The following ITGA2 variants were observed in gnomAD, a reference collection of about 807,000 sequenced individuals.
The protein encoded by ITGA2 is integrin alpha-2.
A neutral mutation model predicts 146.3 loss-of-function variants in ITGA2; 101 were observed. The ratio of observed to expected loss-of-function variants is 0.69; its 90% CI spans 0.59 to 0.81. ITGA2 has a LOEUF of 0.81. Among genes scored for constraint, ITGA2 ranks in the 40% least tolerant of loss-of-function variants. The pLI is 0.00. For missense variants in ITGA2, 1,281 were observed against 1,402.7 expected (o/e 0.91, Z 1.39); for synonymous variants, 477 against 487.1 (o/e 0.98, Z 0.27).
intron 27 of ITGA2, among the ~76,000 whole-genome samples, chr5:53,086,033 T>C (rs1261887481): frequency 6.6e-6 from 1 of 151,740 alleles, no homozygotes; most frequent in Non-Finnish European, 1.5e-5. Context: ...CTCAGCCGAG[T>C]CGCTGGGATT....
intron 1 of ITGA2, among the ~76,000 whole-genome samples, chr5:53,000,971 G>C (rs1228105752): frequency 7.9e-6 from 1 of 126,074 alleles, no homozygotes; most frequent in East Asian, 2.5e-4. Flanking sequence ...ATGCAATCTT[G>C]GCTCACTGCA....
chr5:53,005,607 G>A (rs1741807186), intron 1 of ITGA2, among the ~76,000 whole-genome samples: 1 of 151,168 alleles, frequency 6.6e-6, no homozygotes, highest in South Asian at 2.1e-4. Flanking sequence ...GATGAAAGTG[G>A]GATAATAAAT....
intron 1 of ITGA2, among the ~76,000 whole-genome samples, chr5:52,989,814 G>GCACACACACACACACACA (rs35389760): frequency 2.7e-5 from 4 of 145,868 alleles, no homozygotes; most frequent in Non-Finnish European, 6.1e-5. Context: ...GTACACACAC[G>GCACACACACACACACACA]CACACACACA....
At chr5:53,011,935 T>C (rs760301611) in intron 1 of ITGA2, among the ~76,000 whole-genome samples, 1 of 152,132 alleles carries the variant, frequency 6.6e-6, no homozygotes, top group Non-Finnish European at 1.5e-5. Context: ...AAGTAATGAG[T>C]GTATTTGAAA....
chr5:53,058,192 A>G, intron 10 of ITGA2, 91 bp downstream of exon 10: 1 of 920,750 alleles, frequency 1.1e-6, no homozygotes, highest in Non-Finnish European at 1.8e-6. Context: ...GAAGACAGCC[A>G]TCTAGGGATC....
chr5:53,079,680 A>G (rs1745822996), intron 24 of ITGA2, among the ~76,000 whole-genome samples: 2 of 152,242 alleles, frequency 1.3e-5, no homozygotes, highest in Middle Eastern at 3.4e-3. Flanking sequence ...TATGATCTAG[A>G]TACTACAATA....
At chr5:53,074,099 G>C (rs930062499) in intron 20 of ITGA2, among the ~76,000 whole-genome samples, 2 of 151,788 alleles carry the variant, frequency 1.3e-5, no homozygotes, top group Admixed American at 6.6e-5. Flanking sequence ...AAAGCTATTC[G>C]TGCATCTGAA....
At position 53,072,118 on chromosome 5, in the gene ITGA2, GA is replaced by G. The variant is rs1244342353; in HGVS notation, c.2346+72del. 3 of 1,100,028 alleles carry G rather than the reference GA, an allele frequency of 2.7e-6. No homozygotes were observed. In the African/African-American group the frequency reaches 4.6e-5, roughly 17 times the overall value. The allele number at this position is 1,100,028 out of a possible 1,614,324, so 68.1% of individuals were successfully genotyped here. A position where few individuals can be genotyped will look rare whatever the true frequency, so the allele number is the denominator to read the frequency against. On this transcript the variant is annotated intron_variant, in intron 18 of 29. Coordinates refer to ENST00000296585, the MANE Select transcript of ITGA2 (RefSeq NM_002203.4). ...TTCCACAGTCACTGCAATAGTGTCTGAAGGATGGTTAGGATGCAGCCTGAAA... is the reference window on the plus strand; with the variant it reads ...TTCCACAGTCACTGCAATAGTGTCTGAGGATGGTTAGGATGCAGCCTGAAA...
At chr5:53,010,379 A>C (rs1006883153) in intron 1 of ITGA2, among the ~76,000 whole-genome samples, 7 of 152,148 alleles carry the variant, frequency 4.6e-5, no homozygotes, top group African/African-American at 1.7e-4. Context: ...CTAATTGAAA[A>C]TTTCCTGCTA....
At chr5:53,048,910 CTT>C (rs761294339) in intron 6 of ITGA2, 140 bp downstream of exon 6, 2 of 928,118 alleles carry the variant, frequency 2.2e-6, no homozygotes, top group African/African-American at 1.7e-5. Flanking sequence ...TTAATTGAAA[CTT>C]TTACTACATT....
Position 53,026,306 on chromosome 5 carries a change from C to A in ITGA2, c.65-442C>A, listed in dbSNP as rs190479815. Among the ~76,000 whole-genome samples the A allele has an allele frequency of 5.4e-4, 83 of 152,304 alleles. 2 individuals are homozygous for A. In the East Asian group the frequency reaches 0.015, roughly 27 times the overall value. ...AATAAATAGATGATACCCTTCAGCC[C>A]TTGCCCTTGGGTGGCTTAGAGTCTT... On this transcript the variant is annotated intron_variant, in intron 1 of 29. Coordinates refer to ENST00000296585, the MANE Select transcript of ITGA2 (RefSeq NM_002203.4).
chr5:53,002,509 T>G (rs1429865442), intron 1 of ITGA2, among the ~76,000 whole-genome samples: 1 of 152,214 alleles, frequency 6.6e-6, no homozygotes, highest in Non-Finnish European at 1.5e-5. Context: ...CTTTTATCAC[T>G]TAATATATTT....
intron 10 of ITGA2, 65 bp from the exon 11 acceptor site, chr5:53,059,809 T>C: frequency 2.1e-6 from 3 of 1,451,118 alleles, no homozygotes; most frequent in Non-Finnish European, 2.9e-6. Flanking sequence ...ATGTTTTGCC[T>C]ACCCTGCATT....
rs958923875 is a variant in ITGA2 at position 53,092,848 on chromosome 5, A to G, written c.*2249A>G. ...AATGTGGCCAGGCACGGTGGCTCAC[A>G]CCTGTAATCCCAACACTTTGGGAGG... On this transcript the variant is annotated 3_prime_UTR_variant, in exon 30 of 30. Coordinates refer to ENST00000296585, the MANE Select transcript of ITGA2 (RefSeq NM_002203.4). 3 of 152,270 alleles carry G rather than the reference A, an allele frequency of 2.0e-5. No individual in the cohort carries two copies. The highest frequency in any genetic ancestry group is 7.2e-5 in the African/African-American group (3 of 41,452). The allele number at this position is 152,270 out of a possible 1,614,324, so 9.4% of individuals were successfully genotyped here. A position where few individuals can be genotyped will look rare whatever the true frequency, so the allele number is the denominator to read the frequency against.
chr5:53,040,780 AT>A (rs1743754968), intron 2 of ITGA2, among the ~76,000 whole-genome samples: 1 of 152,122 alleles, frequency 6.6e-6, no homozygotes, highest in Non-Finnish European at 1.5e-5. Flanking sequence ...AATAATCTGC[AT>A]TTTCCTTTTT....
intron 1 of ITGA2, among the ~76,000 whole-genome samples, chr5:53,005,435 A>G (rs1741792405): frequency 6.6e-6 from 1 of 152,100 alleles, no homozygotes; most frequent in African/African-American, 2.4e-5. Flanking sequence ...TACAAAAATT[A>G]GCCAAGCATT....
intron 17 of ITGA2, 61 bp downstream of exon 17, chr5:53,070,321 A>G: frequency 6.4e-7 from 1 of 1,567,078 alleles, no homozygotes; most frequent in South Asian, 1.1e-5. Context: ...AGAGTGGTAA[A>G]AGTCAAAAAT....
At chr5:53,030,878 G>A (rs1743192113) in intron 2 of ITGA2, among the ~76,000 whole-genome samples, 2 of 152,184 alleles carry the variant, frequency 1.3e-5, no homozygotes, top group South Asian at 4.1e-4. Flanking sequence ...CAAGGCCTGG[G>A]TCATTAGAGA....
At position 53,065,020 on chromosome 5, in the gene ITGA2, G is replaced by A; in HGVS notation, c.1711G>A (p.Asp571Asn). Residue 571 changes from aspartate to asparagine, a missense_variant, in exon 14 of 30, where the codon GAT (aspartate) becomes AAT (asparagine). Physicochemically the swap from Asp to Asn is conservative, Grantham distance 23 (BLOSUM62 1). Around this residue, in one of 3 missense-constraint regions of ITGA2, gnomAD observed 795 missense variants for 841.7 expected, o/e 0.94. Coordinates refer to ENST00000296585, the MANE Select transcript of ITGA2 (RefSeq NM_002203.4). ...AGACATCAACATGGATGGCTTTAATGATGTGATTGTTGGTTCACCACTAGA... is the reference window on the plus strand; with the variant it reads ...AGACATCAACATGGATGGCTTTAATAATGTGATTGTTGGTTCACCACTAGA... ...LSDINMDGFN[D>N]VIVGSPLENQ... is the part of the protein sequence containing the mutation. The A allele has an allele frequency of 6.2e-7, 1 of 1,612,892 alleles. No homozygotes were observed. The highest frequency in any genetic ancestry group is 8.5e-7 in the Non-Finnish European group (1 of 1,179,224).
Sources: gnomAD v4.1 joint callset for allele counts (sites outside exome capture counted in the v4.1 genomes callset) on GRCh38, gnomAD v4.1.1 for gene constraint, gnomAD v4.1.1 regional missense constraint, MANE v1.5 for transcripts, NCBI Gene and HGNC (gene_info 2026-07-23, HGNC 2026-07-21) for gene names.